KHDRBS2: variants seen among roughly 807,000 people sequenced by gnomAD.
The protein encoded by KHDRBS2 is KH RNA binding domain containing, signal transduction associated 2, also known as KH domain-containing, RNA-binding, signal transduction-associated protein 2.
A neutral mutation model predicts 44.3 loss-of-function variants in KHDRBS2; 26 were observed. That is an observed-to-expected ratio of 0.59 (90% CI 0.43 to 0.81). The LOEUF is 0.81. KHDRBS2 is among the 40% of genes least tolerant of loss of function. KHDRBS2 has a pLI of 0.00. For synonymous variants in KHDRBS2, 194 were observed against 151.1 expected, an observed-to-expected ratio of 1.28 and a Z score of -2.08; for missense variants, 476 against 433.1, an observed-to-expected ratio of 1.10 and a Z score of -0.88.
chr6:61,895,723 AG>A (rs967196853), intron 5 of KHDRBS2, among the ~76,000 whole-genome samples: 2 of 152,146 alleles, frequency 1.3e-5, no homozygotes, highest in African/African-American at 4.8e-5. Flanking sequence ...TTTGTCTGAA[AG>A]GTTGGCCTCT....
intron 2 of KHDRBS2, 52 bp downstream of exon 2, chr6:62,177,133 C>A (rs535003994): frequency 1.6e-5 from 17 of 1,089,002 alleles, no homozygotes; most frequent in African/African-American, 1.3e-4. Flanking sequence ...ATACCGTCTT[C>A]TTTTATCATT....
At chr6:61,609,839 T>A in the KHDRBS2 span, among the ~76,000 whole-genome samples, 3 of 152,192 alleles carry the variant, frequency 2.0e-5, no homozygotes, top group Admixed American at 6.5e-5. Context: ...TCAGAATATA[T>A]CCTGAGGAAT....
At chr6:61,981,515 G>A (rs1460416369) in intron 3 of KHDRBS2, among the ~76,000 whole-genome samples, 1 of 151,500 alleles carries the variant, frequency 6.6e-6, no homozygotes, top group East Asian at 1.9e-4. Flanking sequence ...CTCTCTGCAA[G>A]TATGTTACCT....
At chr6:61,557,098 C>A in the KHDRBS2 span, among the ~76,000 whole-genome samples, 1 of 151,990 alleles carries the variant, frequency 6.6e-6, no homozygotes, top group East Asian at 1.9e-4. Flanking sequence ...TCATGTACCA[C>A]CTGAAATAGT....
intron 7 of KHDRBS2, among the ~76,000 whole-genome samples, chr6:61,724,903 T>C (rs1205757287): frequency 6.6e-6 from 1 of 152,036 alleles, no homozygotes; most frequent in African/African-American, 2.4e-5. Context: ...ACAGATAATC[T>C]AAACAGAAAA....
intron 1 of KHDRBS2, among the ~76,000 whole-genome samples, chr6:62,282,114 T>A (rs980919786): frequency 2.0e-5 from 3 of 152,164 alleles, no homozygotes; most frequent in African/African-American, 7.2e-5. Flanking sequence ...TTAAAAAACT[T>A]ATCAAGCTTT....
intron 6 of KHDRBS2, among the ~76,000 whole-genome samples, chr6:61,763,354 T>G (rs1779549531): frequency 6.6e-6 from 1 of 152,196 alleles, no homozygotes; most frequent in Non-Finnish European, 1.5e-5. Flanking sequence ...CTGTTGTAAC[T>G]CTAACTTGTA....
At chr6:62,251,085 C>G (rs1836445017) in intron 1 of KHDRBS2, among the ~76,000 whole-genome samples, 1 of 151,788 alleles carries the variant, frequency 6.6e-6, no homozygotes, top group Non-Finnish European at 1.5e-5. Flanking sequence ...AATATCTCTA[C>G]TTTTAGATAA....
the KHDRBS2 span, among the ~76,000 whole-genome samples, chr6:61,665,586 T>C: frequency 3.3e-4 from 50 of 151,432 alleles, no homozygotes; most frequent in African/African-American, 1.1e-3. Flanking sequence ...AAGTATATGA[T>C]ATAGAAAATA....
chr6:61,994,969 A>G lies in KHDRBS2; in HGVS notation c.337-16757T>C, dbSNP rs1776886987. ...AAAATGGGCACGTCTGAGGAATAGA[A>G]AGAAAGCCCGCGTGGCTTGAGCATA... On this transcript the variant is annotated intron_variant, in intron 3 of 8. Transcript: ENST00000281156. 2.6e-5 allele frequency among the ~76,000 whole-genome samples: 4 copies of G among 152,240 alleles called. No homozygotes were observed. The East Asian group carries it at 5.8e-4, about 22-fold the overall frequency.
Position 61,680,994 on chromosome 6 carries a change from C to G in KHDRBS2, c.1019G>C (p.Gly340Ala). Reference protein sequence around the residue: ...KAPPQRSARGGYREHPYGRY With the variant: ...KAPPQRSARGAYREHPYGRY ...TCTACCATAGGGGTGTTCCCTGTAT[C>G]CCCCTCTGGCTGACCTTTGCGGTGG... Residue 340 changes from glycine to alanine, a missense_variant, in exon 9 of 9, where the codon GGA (glycine) becomes GCA (alanine). Transcript: ENST00000281156. 3.1e-6 allele frequency: 5 copies of G among 1,611,098 alleles called. No homozygotes were observed. The highest frequency in any genetic ancestry group is 4.2e-6 in the Non-Finnish European group (5 of 1,178,050).
intron 6 of KHDRBS2, among the ~76,000 whole-genome samples, chr6:61,749,136 C>A (rs1777290098): frequency 6.6e-6 from 1 of 151,444 alleles, no homozygotes; most frequent in African/African-American, 2.4e-5. Context: ...CTTCAGCCTC[C>A]CGAGTAGCTG....
intron 2 of KHDRBS2, among the ~76,000 whole-genome samples, chr6:62,109,781 GAAGA>G (rs910661717): frequency 5.2e-4 from 78 of 150,644 alleles, no homozygotes; most frequent in African/African-American, 1.8e-3. Flanking sequence ...AGATAACAAG[GAAGA>G]AAGAAAGGAA....
the KHDRBS2 span, among the ~76,000 whole-genome samples, chr6:61,602,283 C>G: frequency 6.6e-6 from 1 of 152,138 alleles, no homozygotes; most frequent in African/African-American, 2.4e-5. Context: ...AGACAAACCC[C>G]AGCCAAATCT....
At chr6:61,915,146 G>A (rs1359976359) in intron 4 of KHDRBS2, among the ~76,000 whole-genome samples, 1 of 152,014 alleles carries the variant, frequency 6.6e-6, no homozygotes, top group East Asian at 1.9e-4. Context: ...CTCACAAGAA[G>A]GCATATCACC....
intron 4 of KHDRBS2, among the ~76,000 whole-genome samples, chr6:61,948,200 A>G (rs1278158579): frequency 1.3e-5 from 2 of 152,050 alleles, no homozygotes; most frequent in Non-Finnish European, 2.9e-5. Context: ...TCAACCAACT[A>G]TGAAGCAAAA....
intron 3 of KHDRBS2, among the ~76,000 whole-genome samples, chr6:62,002,726 A>G (rs918060936): frequency 6.6e-6 from 1 of 151,358 alleles, no homozygotes; most frequent in Non-Finnish European, 1.5e-5. Context: ...CATCTATTGC[A>G]TGTTCTTTTT....
chr6:61,785,960 G>A (rs1783741033), intron 6 of KHDRBS2, among the ~76,000 whole-genome samples: 1 of 151,564 alleles, frequency 6.6e-6, no homozygotes, highest in Non-Finnish European at 1.5e-5. Context: ...CTGTTTTTCT[G>A]CTGACTATAT....
At chr6:62,190,829 T>A (rs1824449631) in intron 1 of KHDRBS2, among the ~76,000 whole-genome samples, 1 of 152,088 alleles carries the variant, frequency 6.6e-6, no homozygotes, top group East Asian at 1.9e-4. Context: ...TCCCTGGTAC[T>A]CCCCACTCTA....
Sources: allele counts gnomAD v4.1 joint callset (sites outside exome capture counted in the v4.1 genomes callset), GRCh38; gene constraint gnomAD v4.1.1; transcripts MANE v1.5; gene names NCBI Gene and HGNC (gene_info 2026-07-23, HGNC 2026-07-21).